The following ATXN1 variants were observed in gnomAD, a reference collection of about 807,000 sequenced individuals.
ATXN1 encodes the protein ataxin-1.
ATXN1 carries 8 observed loss-of-function variants against 56.4 expected under a neutral mutation model. The ratio of observed to expected loss-of-function variants is 0.14; its 90% confidence interval spans 0.08 to 0.26. The LOEUF is 0.26. Ranked by LOEUF, ATXN1 falls within the 10% of genes least tolerant of loss-of-function variation. ATXN1 has a pLI of 1.00. For synonymous variants in ATXN1, 514 were observed against 494.6 expected (o/e 1.04, Z -0.52); for missense variants, 987 against 1,106.5 (o/e 0.89, Z 1.53).
intron 6 of ATXN1, among the ~76,000 whole-genome samples, chr6:16,363,233 C>G (rs1761850712): frequency 6.6e-6 from 1 of 152,216 alleles, no homozygotes; most frequent in Non-Finnish European, 1.5e-5. Flanking sequence ...TCTCTGAGAG[C>G]AAGAACTATG....
At chr6:16,705,252 G>A (rs1262137887) in intron 2 of ATXN1, among the ~76,000 whole-genome samples, 1 of 152,138 alleles carries the variant, frequency 6.6e-6, no homozygotes, top group East Asian at 1.9e-4. Context: ...CTACTGTTTT[G>A]CTCACCCCAC....
intron 6 of ATXN1, among the ~76,000 whole-genome samples, chr6:16,373,877 C>T (rs953723300): frequency 1.1e-4 from 17 of 152,122 alleles, no homozygotes; most frequent in African/African-American, 3.9e-4. Context: ...TAATACAGGG[C>T]ATCACACCCA....
chr6:16,556,257 T>G (rs1430028958), intron 4 of ATXN1, among the ~76,000 whole-genome samples: 3 of 152,252 alleles, frequency 2.0e-5, no homozygotes, highest in Non-Finnish European at 4.4e-5. Context: ...ATCAGGTGAC[T>G]TGATCTGGGG....
intron 4 of ATXN1, among the ~76,000 whole-genome samples, chr6:16,562,347 T>C (rs1341417262): frequency 7.3e-6 from 1 of 136,372 alleles, no homozygotes; most frequent in Non-Finnish European, 1.5e-5. Flanking sequence ...TACTCCAGCC[T>C]GGGCAACAGA....
chr6:16,695,896 C>T (rs763221351), intron 2 of ATXN1, among the ~76,000 whole-genome samples: 7 of 151,946 alleles, frequency 4.6e-5, no homozygotes, highest in Admixed American at 4.6e-4. Flanking sequence ...CCCAGGAGTT[C>T]GACACTACAG....
Position 16,510,648 on chromosome 6 carries a change from G to A in ATXN1, c.-299+11979C>T, listed in dbSNP as rs557396395. Among the ~76,000 whole-genome samples the A allele has an allele frequency of 2.8e-4, 43 of 152,238 alleles. No homozygotes were observed. In the South Asian group the frequency reaches 6.8e-3, roughly 24 times the overall value. On this transcript the variant is annotated intron_variant, in intron 5 of 7. Coordinates refer to ENST00000436367, the MANE Select transcript of ATXN1 (RefSeq NM_001128164.2). ...GCTACTTGGGAGGCTAAGGTGGGAG[G>A]ACTGCTTGAACCCCAGGAGGTTGAG...
intron 3 of ATXN1, among the ~76,000 whole-genome samples, chr6:16,633,918 GA>G (rs1763548808): frequency 6.6e-6 from 1 of 152,178 alleles, no homozygotes; most frequent in Admixed American, 6.5e-5. Context: ...ACTCCAGAGA[GA>G]TGTTACAAGG....
intron 4 of ATXN1, among the ~76,000 whole-genome samples, chr6:16,533,113 C>T (rs767505618): frequency 2.0e-5 from 3 of 152,104 alleles, no homozygotes; most frequent in Admixed American, 1.3e-4. Flanking sequence ...AAGATGAAAA[C>T]GTTCTGAAGA....
intron 3 of ATXN1, among the ~76,000 whole-genome samples, chr6:16,599,573 T>C (rs1024777815): frequency 2.0e-5 from 3 of 151,922 alleles, no homozygotes; most frequent in African/African-American, 7.3e-5. Context: ...TAGCTGGGTA[T>C]GGTGGCACGT....
intron 6 of ATXN1, among the ~76,000 whole-genome samples, chr6:16,341,197 T>C (rs1263655382): frequency 1.3e-5 from 2 of 152,224 alleles, no homozygotes; most frequent in African/African-American, 2.4e-5. Context: ...AGGATGCACA[T>C]GTACCTGGGA....
intron 4 of ATXN1, among the ~76,000 whole-genome samples, chr6:16,557,176 A>T (rs543808161): frequency 1.3e-5 from 2 of 152,108 alleles, no homozygotes; most frequent in Admixed American, 1.3e-4. Flanking sequence ...AATACAAAAA[A>T]ATTAGCCAGG....
chr6:16,725,237 G>C (rs3812220), intron 2 of ATXN1, among the ~76,000 whole-genome samples: 22,088 of 152,114 alleles, frequency 0.15, 1,682 homozygotes, highest in Middle Eastern at 0.23. Flanking sequence ...TCTTAAGTAC[G>C]AGAGCTGAGT....
chr6:16,307,187 C>T (rs953682457), intron 7 of ATXN1, among the ~76,000 whole-genome samples: 2 of 152,212 alleles, frequency 1.3e-5, no homozygotes, highest in African/African-American at 4.8e-5. Context: ...GACAGAGCAC[C>T]CACTTAGCTT....
At chr6:16,355,693 C>T (rs1019188543) in intron 6 of ATXN1, among the ~76,000 whole-genome samples, 3 of 152,194 alleles carry the variant, frequency 2.0e-5, no homozygotes, top group African/African-American at 7.2e-5. Context: ...TCCTGAGTAG[C>T]TGGGATTATA....
chr6:16,563,582 G>A (rs1762160467), intron 4 of ATXN1, among the ~76,000 whole-genome samples: 1 of 152,100 alleles, frequency 6.6e-6, no homozygotes, highest in Non-Finnish European at 1.5e-5. Flanking sequence ...AAGGGGGTCA[G>A]GAGGCTATGC....
chr6:16,496,862 A>G (rs1760790383), intron 5 of ATXN1, among the ~76,000 whole-genome samples: 1 of 152,082 alleles, frequency 6.6e-6, no homozygotes, highest in African/African-American at 2.4e-5. Context: ...GCATATCCCC[A>G]TTTCTATTAG....
intron 6 of ATXN1, among the ~76,000 whole-genome samples, chr6:16,444,277 C>T (rs1759589721): frequency 6.6e-6 from 1 of 152,148 alleles, no homozygotes; most frequent in Non-Finnish European, 1.5e-5. Context: ...TATCATTTCT[C>T]ACTGAAAGAA....
chr6:16,523,187 C>T lies in ATXN1; in HGVS notation c.-360-499G>A, dbSNP rs182547110. On this transcript the variant is annotated intron_variant, in intron 4 of 7. Coordinates refer to ENST00000436367, the MANE Select transcript of ATXN1 (RefSeq NM_001128164.2). ...AAAGTGTTGGGATTACAGGTTTGAG[C>T]CATCGTACCCAGCCGTGTTTTATTT... Among the ~76,000 whole-genome samples the T allele has an allele frequency of 2.0e-3, 298 of 152,304 alleles. 4 individuals carry two copies. Among genetic ancestry groups the T allele is most frequent in the South Asian group, 0.012 (56 of 4,818 alleles).
intron 6 of ATXN1, among the ~76,000 whole-genome samples, chr6:16,340,549 G>A (rs1761223261): frequency 6.6e-6 from 1 of 152,164 alleles, no homozygotes; most frequent in Non-Finnish European, 1.5e-5. Flanking sequence ...TAATAAGTAT[G>A]AGTAGAACAG....
Sources: allele counts gnomAD v4.1 joint callset (sites outside exome capture counted in the v4.1 genomes callset), GRCh38; gene constraint gnomAD v4.1.1; transcripts MANE v1.5; gene names NCBI Gene and HGNC (gene_info 2026-07-23, HGNC 2026-07-21).